The following ZNF75D variants were observed in gnomAD, a reference collection of about 807,000 sequenced individuals.
ZNF75D encodes zinc finger protein 75D, also known as zinc finger protein 75.
A neutral mutation model predicts 33.3 loss-of-function variants in ZNF75D; 33 were observed. The observed-to-expected ratio is 0.99, with a 90% CI of 0.75 to 1.32. ZNF75D has a LOEUF of 1.32. Among genes scored for constraint, ZNF75D ranks in the 40% most tolerant of loss-of-function variants. The pLI, the probability that ZNF75D is intolerant of heterozygous loss-of-function variation, is 0.00. For synonymous variants in ZNF75D, 113 were observed against 130.6 expected (o/e 0.87, Z 0.92); for missense variants, 338 against 367.5 (o/e 0.92, Z 0.66).
chrX:135,326,260 G>T (rs1019101503), intron 1 of ZNF75D, among the ~76,000 whole-genome samples: 46 of 104,065 alleles, frequency 4.4e-4, no homozygotes, highest in Non-Finnish European at 1.8e-4. Context: ...ACACCAATGG[G>T]TACTCTGTAT....
At chrX:135,267,719 T>C (rs1293479102) in intron 1 of ZNF75D, among the ~76,000 whole-genome samples, 2 of 109,727 alleles carry the variant, frequency 1.8e-5, no homozygotes, top group Non-Finnish European at 3.8e-5. Flanking sequence ...TACTCAAAAC[T>C]GTTCTGAAAA....
chrX:135,293,985 G>T lies in ZNF75D; in HGVS notation c.156C>A (p.Phe52Leu). The stretch of plus-strand genomic sequence containing the variant: ...TTGCTTCATGATAACGGAAGCTCCA[G>T]AAGTGCCTGCAAGCGCTCTCAGGAC... ...NLGPESACRH[F>L]WSFRYHEATG... The change falls in exon 3 of 7, where the codon TTC becomes TTA. Residue 52 changes from phenylalanine (F) to leucine (L), a missense_variant. By Grantham distance (22) the Phe-to-Leu change is conservative. Around this residue, in one of 3 missense-constraint regions of ZNF75D, gnomAD observed 254 missense variants for 267.7 expected, o/e 0.95. Transcript: ENST00000370766. 8.2e-7 allele frequency: 1 copy of T among 1,212,191 alleles called. No individual in the cohort carries two copies. Among genetic ancestry groups the T allele is most frequent in the Non-Finnish European group, 1.1e-6 (1 of 895,583 alleles).
chrX:135,258,920 G>A (rs180786699), intron 1 of ZNF75D, among the ~76,000 whole-genome samples: 63 of 111,989 alleles, frequency 5.6e-4, no homozygotes, highest in African/African-American at 1.8e-3. Context: ...GGGTTTTTAC[G>A]GTTTTAGGTC....
rs782537365 is a variant in ZNF75D at position 135,336,290 on chromosome X, C to A, written c.-391+5478G>T. Among the ~76,000 whole-genome samples the A allele has an allele frequency of 2.7e-5, 3 of 112,445 alleles. No individual in the cohort carries two copies. The South Asian group carries it at 1.1e-3, about 41-fold the overall frequency. On this transcript the variant is annotated intron_variant, in intron 1 of 6. Transcript: ENST00000370766. Reference sequence around the variant, plus strand: ...TGGTGCCTTGATTTTGGACTCCCAACCTCCAGAGCTGTGAGCAATAAATTT... The same window carrying A: ...TGGTGCCTTGATTTTGGACTCCCAAACTCCAGAGCTGTGAGCAATAAATTT...
intron 1 of ZNF75D, among the ~76,000 whole-genome samples, chrX:135,337,891 C>G (rs1298719242): frequency 9.0e-6 from 1 of 110,735 alleles, no homozygotes; most frequent in Non-Finnish European, 1.9e-5. Context: ...GGAGAGGGAG[C>G]AAGGACAGGG....
chrX:135,301,456 G>A (rs1157652968), intron 1 of ZNF75D, among the ~76,000 whole-genome samples: 2 of 111,526 alleles, frequency 1.8e-5, no homozygotes, highest in Non-Finnish European at 3.8e-5. Context: ...CAAGTCCAAA[G>A]TCTCACCTGA....
chrX:135,305,217 C>T (rs2084270078), intron 1 of ZNF75D, among the ~76,000 whole-genome samples: 1 of 111,615 alleles, frequency 9.0e-6, no homozygotes, highest in Non-Finnish European at 1.9e-5. Flanking sequence ...CACTGGTAAC[C>T]TGCTAGATTA....
chrX:135,279,420 A>G (rs1327798007), intron 1 of ZNF75D, among the ~76,000 whole-genome samples: 2 of 111,074 alleles, frequency 1.8e-5, no homozygotes, highest in East Asian at 5.6e-4. Flanking sequence ...TATTTTGTTA[A>G]TCTTTTCAAA....
chrX:135,292,610 T>G, intron 3 of ZNF75D, 137 bp from the exon 4 acceptor site: 1 of 495,588 alleles, frequency 2.0e-6, no homozygotes. Flanking sequence ...TGAAGAGGTA[T>G]TGTGCCACTA....
rs1344219513 is a variant in ZNF75D, at chrX:135,248,941, T to C, written n.1657A>G. Reference sequence around the variant, plus strand: ...GCAGTGAGAACACAGCTTCCACTTGTAATGGTTGCATCAGGGGAAGGATTT... The same window carrying C: ...GCAGTGAGAACACAGCTTCCACTTGCAATGGTTGCATCAGGGGAAGGATTT... On this transcript the variant is annotated non_coding_transcript_exon_variant, in exon 4 of 4. Transcript: ENST00000494295. The C allele has an allele frequency of 1.4e-4, 45 of 315,320 alleles. 1 individual carries two copies. The highest frequency in any genetic ancestry group is 1.2e-3 in the African/African-American group (43 of 35,698). The allele number at this position is 315,320 out of a possible 1,213,427, so 26.0% of individuals were successfully genotyped here.
In ZNF75D at chrX:135,321,846, G is replaced by A. The variant is rs369131688; in HGVS notation, c.-391+19922C>T. 6.6e-4 allele frequency among the ~76,000 whole-genome samples: 74 copies of A among 112,033 alleles called. 2 individuals carry two copies. In the South Asian group the frequency reaches 0.025, roughly 38 times the overall value. On this transcript the variant is annotated intron_variant, in intron 1 of 6. Coordinates refer to ENST00000370766, the MANE Select transcript of ZNF75D (RefSeq NM_007131.5). Reference sequence around the variant, plus strand: ...AAGGCCTGAGAGTTTGCATAACTTCGGTAATAGATCTGGCTGAAGGCAGCC... The same window carrying A: ...AAGGCCTGAGAGTTTGCATAACTTCAGTAATAGATCTGGCTGAAGGCAGCC...
chrX:135,259,128 G>A (rs1556415058), intron 1 of ZNF75D, among the ~76,000 whole-genome samples: 1 of 111,246 alleles, frequency 9.0e-6, no homozygotes, highest in African/African-American at 3.3e-5. Context: ...TATTTCTGAG[G>A]GCTCTGTTCT....
intron 1 of ZNF75D, among the ~76,000 whole-genome samples, chrX:135,257,445 G>T (rs1191505525): frequency 8.8e-6 from 1 of 113,263 alleles, no homozygotes; most frequent in African/African-American, 3.2e-5. Context: ...TTGCAAAGGG[G>T]AGGGAAGAGT....
At chrX:135,281,692 G>C (rs782776002), downstream of ZNF75D, among the ~76,000 whole-genome samples, 3 of 112,074 alleles carry the variant, frequency 2.7e-5, no homozygotes, top group African/African-American at 9.7e-5. Context: ...CCTTTTTGTT[G>C]ATGTTGATAC....
chrX:135,338,765 A>C (rs1278389895), intron 1 of ZNF75D, among the ~76,000 whole-genome samples: 1 of 111,417 alleles, frequency 9.0e-6, no homozygotes, highest in Non-Finnish European at 1.9e-5. Context: ...TAGGCAATTA[A>C]TTGCTTATTT....
chrX:135,296,976 G>C (rs1389609732), intron 1 of ZNF75D: 11 of 111,993 alleles, frequency 9.8e-5, no homozygotes, highest in Admixed American at 5.7e-4. Context: ...CTCTGGGCAA[G>C]GTATTTCATA....
chrX:135,271,565 T>C (rs1556416991), intron 1 of ZNF75D, among the ~76,000 whole-genome samples: 1 of 112,124 alleles, frequency 8.9e-6, no homozygotes. Flanking sequence ...AGCCAGTGAC[T>C]CTGCAAAGAT....
At chrX:135,256,669 G>C (rs1039489494) in intron 1 of ZNF75D, among the ~76,000 whole-genome samples, 4 of 111,418 alleles carry the variant, frequency 3.6e-5, no homozygotes, top group African/African-American at 1.3e-4. Context: ...CATGACTAGC[G>C]GAGCCCTTGT....
chrX:135,289,636 AC>A (rs2084009001), intron 6 of ZNF75D, among the ~76,000 whole-genome samples: 3 of 22,011 alleles, frequency 1.4e-4, no homozygotes, highest in African/African-American at 3.4e-4. Flanking sequence ...AGACACACAC[AC>A]ACACACACAC....
Sources: allele counts gnomAD v4.1 joint callset (sites outside exome capture counted in the v4.1 genomes callset), GRCh38; gene constraint gnomAD v4.1.1; regional missense constraint gnomAD v4.1.1; transcripts MANE v1.5; gene names NCBI Gene and HGNC (gene_info 2026-07-23, HGNC 2026-07-21).